The following SIL1 variants were observed in gnomAD, a reference collection of about 807,000 sequenced individuals.
SIL1 encodes SIL1 nucleotide exchange factor.
SIL1 carries 40 observed loss-of-function variants against 49.1 expected under a neutral mutation model. The ratio of observed to expected loss-of-function variants is 0.81; its 90% CI spans 0.63 to 1.06. The LOEUF (loss-of-function observed/expected upper bound fraction) is 1.06. Ranked by LOEUF, SIL1 falls within the 50% of genes least tolerant of loss-of-function variation. The pLI, the probability that SIL1 is intolerant of heterozygous loss-of-function variation, is 0.00. For missense variants in SIL1, 500 were observed against 572.6 expected, an observed-to-expected ratio of 0.87 and a Z score of 1.29; for synonymous variants, 253 against 250.8, an observed-to-expected ratio of 1.01 and a Z score of -0.08.
At chr5:139,017,492 T>C (rs1768427229) in intron 7 of SIL1, among the ~76,000 whole-genome samples, 1 of 152,088 alleles carries the variant, frequency 6.6e-6, no homozygotes, top group Admixed American at 6.5e-5. Context: ...TGAATGCTTA[T>C]AAGCCCATGT....
chr5:139,087,770 A>G (rs912406951), intron 3 of SIL1, among the ~76,000 whole-genome samples: 27 of 152,164 alleles, frequency 1.8e-4, no homozygotes, highest in African/African-American at 5.8e-4. Context: ...TGGACCCTAG[A>G]GTTTCTCAGG....
intron 7 of SIL1, among the ~76,000 whole-genome samples, chr5:138,964,505 C>T (rs963706075): frequency 1.3e-5 from 2 of 152,182 alleles, no homozygotes; most frequent in African/African-American, 4.8e-5. Context: ...CAGATGAAAA[C>T]CTCCTTTTTT....
intron 4 of SIL1, among the ~76,000 whole-genome samples, chr5:139,047,402 A>G (rs1392571766): frequency 6.6e-6 from 1 of 152,240 alleles, no homozygotes; most frequent in Non-Finnish European, 1.5e-5. Flanking sequence ...AGAGCCCACA[A>G]GCATTGCAGC....
chr5:138,997,548 T>C (rs1767898340), intron 7 of SIL1, among the ~76,000 whole-genome samples: 1 of 152,184 alleles, frequency 6.6e-6, no homozygotes. Flanking sequence ...GCCATGCTGA[T>C]TTGGTCACTA....
intron 3 of SIL1, among the ~76,000 whole-genome samples, chr5:139,061,460 G>C (rs1435311694): frequency 2.0e-5 from 3 of 152,268 alleles, no homozygotes; most frequent in African/African-American, 7.2e-5. Flanking sequence ...GAAAGCCAGA[G>C]GCTGCCCCGG....
rs61092179 is a variant in SIL1 at position 138,949,810 on chromosome 5, A to AG, written c.1029+1360_1029+1361insC. ...AGAGACCCTGTCTCAAAAAAAAAAA[A>AG]AAAAAAGAAAAAAGAAAAGAAAAGA... On this transcript the variant is annotated intron_variant, in intron 9 of 9. Coordinates refer to ENST00000394817, the MANE Select transcript of SIL1 (RefSeq NM_022464.5). Among the ~76,000 whole-genome samples the AG allele has an allele frequency of 7.5e-3, 1,061 of 141,324 alleles. 10 individuals are homozygous for AG. The highest frequency in any genetic ancestry group is 0.032 in the African/African-American group (1,014 of 32,122). The allele number at this position is 141,324 out of a possible 152,430, so 92.7% of individuals were successfully genotyped here. A position where few individuals can be genotyped will look rare whatever the true frequency, so the allele number is the denominator to read the frequency against.
intron 5 of SIL1, among the ~76,000 whole-genome samples, chr5:139,039,346 C>T (rs577437340): frequency 8.5e-5 from 13 of 152,196 alleles, no homozygotes; most frequent in Non-Finnish European, 1.8e-4. Context: ...CCTCAATGTC[C>T]ACTGCACTGG....
intron 1 of SIL1, among the ~76,000 whole-genome samples, chr5:139,185,005 A>G (rs1041358825): frequency 1.2e-4 from 19 of 152,236 alleles, no homozygotes; most frequent in African/African-American, 4.6e-4. Context: ...TCTCCAAATA[A>G]CATTGCTTCG....
chr5:139,152,834 G>A (rs558141931), intron 1 of SIL1, among the ~76,000 whole-genome samples: 16 of 152,238 alleles, frequency 1.1e-4, no homozygotes, highest in Admixed American at 9.2e-4. Flanking sequence ...TGCCTATTGA[G>A]ATGGAGTTTT....
intron 1 of SIL1, among the ~76,000 whole-genome samples, chr5:139,160,522 G>A (rs780895300): frequency 4.6e-5 from 7 of 152,198 alleles, no homozygotes; most frequent in Non-Finnish European, 1.0e-4. Context: ...TCTTGCTGGT[G>A]TATAGCTGAA....
chr5:139,109,090 T>A (rs1228192750), intron 3 of SIL1, among the ~76,000 whole-genome samples: 1 of 152,166 alleles, frequency 6.6e-6, no homozygotes, highest in East Asian at 1.9e-4. Flanking sequence ...GATGGACTCC[T>A]GTAAATGAAA....
intron 3 of SIL1, among the ~76,000 whole-genome samples, chr5:139,116,507 C>A (rs750021965): frequency 6.6e-6 from 1 of 152,232 alleles, no homozygotes; most frequent in Non-Finnish European, 1.5e-5. Context: ...GGCCAACATG[C>A]AGCACTGGGT....
At position 139,042,715 on chromosome 5, in the gene SIL1, C is replaced by T; in HGVS notation, c.358G>A (p.Asp120Asn). ...GATGTGTAGGTGTTGGTGTTGATAT[C>T]CAGCCTGTCCAAAGAAAACTGAGAG... ...FRNNLKGKRLDINTNTYTSQD... is the reference protein window; with the variant it reads ...FRNNLKGKRLNINTNTYTSQD... The change falls in exon 5 of 10, where the codon GAT (aspartate) becomes AAT (asparagine). Residue 120 changes from aspartate to asparagine, a missense_variant. Asp to Asn is a conservative substitution (Grantham distance 23). Transcript: ENST00000394817. 6.2e-7 allele frequency: 1 copy of T among 1,614,010 alleles called. No homozygotes were observed.
At chr5:139,185,998 C>T (rs1752071728) in intron 1 of SIL1, among the ~76,000 whole-genome samples, 1 of 152,186 alleles carries the variant, frequency 6.6e-6, no homozygotes, top group Non-Finnish European at 1.5e-5. Flanking sequence ...ATTTGTTCAC[C>T]CAGAGCTCTT....
At chr5:139,067,503 T>C (rs997570107) in intron 3 of SIL1, among the ~76,000 whole-genome samples, 4 of 152,152 alleles carry the variant, frequency 2.6e-5, no homozygotes, top group Admixed American at 1.3e-4. Flanking sequence ...GCAGAAGTGG[T>C]TGGTGGTTAG....
chr5:139,014,565 A>C (rs1331095578), intron 7 of SIL1, among the ~76,000 whole-genome samples: 2 of 152,142 alleles, frequency 1.3e-5, no homozygotes, highest in Non-Finnish European at 2.9e-5. Context: ...ATTCAAGCGA[A>C]ATGCTGAAGG....
At chr5:138,951,555 G>A (rs1466687736) in intron 8 of SIL1, among the ~76,000 whole-genome samples, 3 of 152,254 alleles carry the variant, frequency 2.0e-5, no homozygotes, top group African/African-American at 4.8e-5. Context: ...GAGGCCAAGG[G>A]TGGGAGGCCA....
At chr5:139,019,831 C>CA (rs1491293795) in intron 7 of SIL1, among the ~76,000 whole-genome samples, 1 of 151,956 alleles carries the variant, frequency 6.6e-6, no homozygotes, top group Non-Finnish European at 1.5e-5. Context: ...CAAAGATTTC[C>CA]AAAAAGGGTC....
chr5:139,128,361 A>G (rs1384294887), intron 1 of SIL1, among the ~76,000 whole-genome samples: 1 of 152,186 alleles, frequency 6.6e-6, no homozygotes, highest in Non-Finnish European at 1.5e-5. Flanking sequence ...CAAACAGTCA[A>G]ACAAATAAAA....
Sources: gnomAD v4.1 joint callset for allele counts (sites outside exome capture counted in the v4.1 genomes callset) on GRCh38, gnomAD v4.1.1 for gene constraint, MANE v1.5 for transcripts, NCBI Gene and HGNC (gene_info 2026-07-23, HGNC 2026-07-21) for gene names.